Variants in DGKI observed in about 807,000 individuals in gnomAD.
DGKI encodes diacylglycerol kinase iota.
In DGKI, 55 loss-of-function variants were observed where a neutral mutation model predicts 147.5. The observed-to-expected ratio is 0.37, with a 90% CI of 0.30 to 0.47. The LOEUF (loss-of-function observed/expected upper bound fraction) is 0.47, where lower values mean the gene tolerates loss of function less well. Among genes scored for constraint, DGKI ranks in the 20% least tolerant of loss-of-function variants. The pLI is 1.00. For missense variants in DGKI, 1,007 were observed against 1,323.8 expected (o/e 0.76, Z 3.71); for synonymous variants, 469 against 477.1 (o/e 0.98, Z 0.22).
chr7:137,500,145 G>A (rs1449665398), intron 21 of DGKI, among the ~76,000 whole-genome samples: 1 of 152,200 alleles, frequency 6.6e-6, no homozygotes, highest in Non-Finnish European at 1.5e-5. Flanking sequence ...GTGATATTAA[G>A]CCCTGAGAAA....
chr7:137,528,739 C>A (rs1490439725), intron 20 of DGKI, among the ~76,000 whole-genome samples: 1 of 152,144 alleles, frequency 6.6e-6, no homozygotes, highest in Non-Finnish European at 1.5e-5. Context: ...CCTATGACTG[C>A]ATCTTCAAGT....
chr7:137,622,003 T>C (rs1465541118), intron 7 of DGKI, among the ~76,000 whole-genome samples: 1 of 152,174 alleles, frequency 6.6e-6, no homozygotes, highest in Non-Finnish European at 1.5e-5. Flanking sequence ...TTTCATTCAA[T>C]AACTAGGATG....
chr7:137,789,363 A>G (rs944058821), intron 1 of DGKI, among the ~76,000 whole-genome samples: 5 of 152,180 alleles, frequency 3.3e-5, no homozygotes, highest in African/African-American at 1.2e-4. Flanking sequence ...CTACCCTCCC[A>G]CTGAAATGAC....
At chr7:137,565,377 T>C (rs900080822) in intron 19 of DGKI, among the ~76,000 whole-genome samples, 8 of 152,146 alleles carry the variant, frequency 5.3e-5, no homozygotes, top group African/African-American at 1.9e-4. Flanking sequence ...TAACTGATAA[T>C]TTACTTTAAT....
chr7:137,608,718 G>A (rs1299060330), intron 10 of DGKI, among the ~76,000 whole-genome samples: 1 of 152,186 alleles, frequency 6.6e-6, no homozygotes, highest in East Asian at 1.9e-4. Context: ...GAAAAAGTCA[G>A]TAGTTAGGTT....
At chr7:137,499,880 C>G (rs190267588) in intron 21 of DGKI, among the ~76,000 whole-genome samples, 25 of 152,206 alleles carry the variant, frequency 1.6e-4, no homozygotes, top group Non-Finnish European at 2.8e-4. Context: ...CTCTAGAGAA[C>G]CTGGACTAAC....
At chr7:137,547,864 T>C (rs900164485) in intron 20 of DGKI, among the ~76,000 whole-genome samples, 3 of 152,132 alleles carry the variant, frequency 2.0e-5, no homozygotes, top group Non-Finnish European at 2.9e-5. Context: ...AGCATTTCAA[T>C]GGGGTCCTAA....
chr7:137,516,118 CA>C (rs1469023360), intron 21 of DGKI, among the ~76,000 whole-genome samples: 1 of 151,878 alleles, frequency 6.6e-6, no homozygotes, highest in African/African-American at 2.4e-5. Context: ...GGGAAAGATT[CA>C]ATTTTAGATG....
chr7:137,601,283 GA>G (rs1327802883), intron 10 of DGKI, among the ~76,000 whole-genome samples: 2 of 150,890 alleles, frequency 1.3e-5, no homozygotes, highest in South Asian at 2.1e-4. Flanking sequence ...AAAAAAAAAA[GA>G]AAAAGAAATG....
In DGKI at chr7:137,597,867, C is replaced by T; in HGVS notation, c.1291G>A (p.Ala431Thr). 1 of 1,613,944 alleles carries T rather than the reference C, an allele frequency of 6.2e-7. No individual in the cohort carries two copies. The highest frequency in any genetic ancestry group is 1.3e-5 in the African/African-American group (1 of 75,052). The change falls in exon 12 of 33, where the codon GCC becomes ACC. Residue 431 changes from alanine (A) to threonine (T), a missense_variant. Physicochemically the swap from Ala to Thr is moderately conservative, Grantham distance 58 (BLOSUM62 0). Around this residue, in one of 5 missense-constraint regions of DGKI, gnomAD observed 224 missense variants for 382.7 expected, o/e 0.59. Coordinates refer to ENST00000614521, the MANE Select transcript of DGKI (RefSeq NM_001321708.2). The part of the protein sequence containing the change: ...YRKVPNLRIL[A>T]CGGDGTVGWI... The stretch of plus-strand genomic sequence containing the variant: ...CCTACCGTTCCATCCCCACCACAGG[C>T]CAGAATTCGCAGATTTGGTACTTTC...
At chr7:137,822,344 T>C (rs1397859673) in intron 1 of DGKI, among the ~76,000 whole-genome samples, 3 of 151,970 alleles carry the variant, frequency 2.0e-5, no homozygotes, top group Admixed American at 6.6e-5. Flanking sequence ...GAGGTGAAGG[T>C]TGCAGTGAGC....
intron 3 of DGKI, among the ~76,000 whole-genome samples, chr7:137,678,133 C>G (rs1450893784): frequency 1.3e-5 from 2 of 152,110 alleles, no homozygotes; most frequent in Non-Finnish European, 2.9e-5. Flanking sequence ...GTGTTTCCCT[C>G]TCTTTCCACC....
chr7:137,444,214 T>G, intron 27 of DGKI, 112 bp from the exon 28 acceptor site: 3 of 642,478 alleles, frequency 4.7e-6, no homozygotes, highest in East Asian at 3.2e-5. Flanking sequence ...AAAGTCAATA[T>G]AGTAGACAGT....
intron 6 of DGKI, among the ~76,000 whole-genome samples, chr7:137,632,992 C>A (rs1201802437): frequency 6.6e-6 from 1 of 151,888 alleles, no homozygotes; most frequent in African/African-American, 2.4e-5. Context: ...GTGGGCAGAT[C>A]ACCTGAGGCC....
chr7:137,459,081 T>C (rs1814317740), intron 27 of DGKI, among the ~76,000 whole-genome samples: 1 of 152,188 alleles, frequency 6.6e-6, no homozygotes, highest in Non-Finnish European at 1.5e-5. Flanking sequence ...TAAGTAGGTA[T>C]GTGTATATCT....
In DGKI at chr7:137,386,603, T is replaced by A. The variant is rs1032904698; in HGVS notation, c.*4617A>T. The A allele has an allele frequency of 1.3e-5, 2 of 152,092 alleles. No individual in the cohort carries two copies. The highest frequency in any genetic ancestry group is 2.9e-5 in the Non-Finnish European group (2 of 67,990). The allele number at this position is 152,092 out of a possible 1,614,324, so 9.4% of individuals were successfully genotyped here. A position where few individuals can be genotyped will look rare whatever the true frequency, so the allele number is the denominator to read the frequency against. ...AGATTTTTGCAACTGCGTGACAAAA[T>A]TATTGACAGTAGTAGGCAGAAAGTT... On this transcript the variant is annotated 3_prime_UTR_variant, in exon 33 of 33. Transcript: ENST00000614521.
intron 1 of DGKI, among the ~76,000 whole-genome samples, chr7:137,732,696 T>A (rs577262227): frequency 2.0e-5 from 3 of 152,072 alleles, no homozygotes; most frequent in African/African-American, 7.2e-5. Context: ...TCCATACAAG[T>A]AGACAGGAAA....
chr7:137,842,423 C>T (rs922127122), intron 1 of DGKI, among the ~76,000 whole-genome samples: 1 of 152,166 alleles, frequency 6.6e-6, no homozygotes, highest in African/African-American at 2.4e-5. Context: ...CTCCTTGCTC[C>T]TATTTCTATC....
At position 137,591,089 on chromosome 7, in the gene DGKI, C is replaced by T. The variant is rs142291097; in HGVS notation, c.1312-3879G>A. On this transcript the variant is annotated intron_variant, in intron 12 of 32. Transcript: ENST00000614521. The stretch of plus-strand genomic sequence containing the variant: ...CAGGAGTTCTCGTGATACTGAGCTA[C>T]GATTCCTCACAAAGGCAGAGCCCAC... Among the ~76,000 whole-genome samples the T allele has an allele frequency of 4.5e-3, 687 of 152,294 alleles. 7 individuals carry two copies. Among genetic ancestry groups the T allele is most frequent in the Middle Eastern group, 0.01 (3 of 294 alleles).
Sources: allele counts gnomAD v4.1 joint callset (sites outside exome capture counted in the v4.1 genomes callset), GRCh38; gene constraint gnomAD v4.1.1; regional missense constraint gnomAD v4.1.1; transcripts MANE v1.5; gene names NCBI Gene and HGNC (gene_info 2026-07-23, HGNC 2026-07-21).